Variants in DAB2IP observed in about 807,000 individuals in gnomAD.
The protein encoded by DAB2IP is DAB2 interacting protein, also known as disabled homolog 2-interacting protein.
Under a neutral mutation model 107.2 loss-of-function variants are expected in DAB2IP, and 28 were observed. The observed-to-expected ratio is 0.26, with a 90% CI of 0.19 to 0.36. DAB2IP has a LOEUF of 0.36. Ranked by LOEUF, DAB2IP falls within the 10% of genes least tolerant of loss-of-function variation. The pLI is 1.00. For synonymous variants in DAB2IP, 755 were observed against 706.4 expected (o/e 1.07, Z -1.09); for missense variants, 1,400 against 1,644.7 (o/e 0.85, Z 2.57).
Position 121,699,312 on chromosome 9 carries a change from C to T in DAB2IP, c.229-13C>T, listed in dbSNP as rs779061107. The T allele has an allele frequency of 2.5e-4, 360 of 1,431,774 alleles. No homozygotes were observed. Among genetic ancestry groups the T allele is most frequent in the Non-Finnish European group, 3.0e-4 (325 of 1,077,598 alleles). The allele number at this position is 1,431,774 out of a possible 1,614,324, so 88.7% of individuals were successfully genotyped here. ...CCCGCCTCCCCTTCCCCCTCTTGTC[C>T]CCCCGTGCGCAGGGCTTCCTCAGCC... On this transcript the variant is annotated splice_polypyrimidine_tract_variant and intron_variant, in intron 2 of 15. Coordinates refer to ENST00000408936, the Ensembl canonical transcript of DAB2IP. The surrounding 1 kb of genome is among the most constrained non-coding windows in gnomAD (Gnocchi z 6.2).
chr9:121,651,809 G>C lies in DAB2IP; in HGVS notation c.34G>C (p.Gly12Arg), dbSNP rs553951606. Reference sequence around the variant, plus strand: ...GGGCGGCAGCGCCAGGAAGAGCACCGGGAGGTCCTCCTACTACTACCGGCT... The same window carrying C: ...GGGCGGCAGCGCCAGGAAGAGCACCCGGAGGTCCTCCTACTACTACCGGCT... The change falls in exon 1 of 16, where the codon GGG becomes CGG. Residue 12 changes from glycine to arginine, a missense_variant. Gly to Arg is a moderately radical substitution (Grantham distance 125, BLOSUM62 -2). This residue lies in a region of DAB2IP where 283 missense variants were observed against 237.0 expected (regional missense o/e 1.19). Transcript: ENST00000408936. The surrounding 1 kb of genome is among the most constrained non-coding windows in gnomAD (Gnocchi z 5.1). 578 of 1,460,484 alleles carry C rather than the reference G, an allele frequency of 4.0e-4. No homozygotes were observed. Among genetic ancestry groups the C allele is most frequent in the South Asian group, 4.7e-4 (35 of 75,226 alleles). 90.5% of individuals were successfully genotyped at this position (1,460,484 alleles called of 1,614,324 possible).
chr9:121,614,508 T>C (rs887607396), intron 1 of DAB2IP, among the ~76,000 whole-genome samples: 2 of 150,982 alleles, frequency 1.3e-5, no homozygotes, highest in African/African-American at 4.9e-5. Flanking sequence ...GCCTGGCTAA[T>C]TTTTGTATTT....
chr9:121,654,062 T>G (rs1285416849), intron 1 of DAB2IP, among the ~76,000 whole-genome samples: 1 of 152,192 alleles, frequency 6.6e-6, no homozygotes, highest in Admixed American at 6.5e-5. Flanking sequence ...CAGTTACCTC[T>G]CCAAGCCTCA....
chr9:121,657,483 A>G (rs1306394493), intron 1 of DAB2IP, among the ~76,000 whole-genome samples: 1 of 152,160 alleles, frequency 6.6e-6, no homozygotes, highest in East Asian at 1.9e-4. Flanking sequence ...CTCATGTCTC[A>G]TCTCAGTTCT....
intron 3 of DAB2IP, among the ~76,000 whole-genome samples, chr9:121,740,850 C>T (rs1283142983): frequency 1.3e-5 from 2 of 152,142 alleles, no homozygotes; most frequent in African/African-American, 2.4e-5. Context: ...AGTGTATTAC[C>T]TCATTTTATA....
chr9:121,767,127 C>T (rs969852839), intron 9 of DAB2IP, among the ~76,000 whole-genome samples: 3 of 152,238 alleles, frequency 2.0e-5, no homozygotes, highest in African/African-American at 7.2e-5. Context: ...TGTGCTTGGG[C>T]ACTTGGGTTG....
chr9:121,636,798 A>G (rs1198948796), intron 1 of DAB2IP, among the ~76,000 whole-genome samples: 1 of 152,182 alleles, frequency 6.6e-6, no homozygotes, highest in Non-Finnish European at 1.5e-5. Context: ...CCAAAATGAC[A>G]CGGTGCAGGA....
intron 1 of DAB2IP, among the ~76,000 whole-genome samples, chr9:121,632,257 G>C (rs1469669874): frequency 7.2e-5 from 11 of 152,212 alleles, no homozygotes; most frequent in Admixed American, 7.2e-4. Flanking sequence ...AGTTGCTGTG[G>C]GCGTAAAATG....
At chr9:121,659,246 G>A (rs1319508864) in intron 1 of DAB2IP, among the ~76,000 whole-genome samples, 3 of 152,136 alleles carry the variant, frequency 2.0e-5, no homozygotes, top group Non-Finnish European at 2.9e-5. Context: ...CTTTGGGTTC[G>A]GAGACTGGAA....
Position 121,773,425 on chromosome 9 carries a change from G to A in DAB2IP, c.2897G>A (p.Arg966His), listed in dbSNP as rs114838746. The A allele has an allele frequency of 7.6e-4, 1,183 of 1,557,926 alleles. 10 individuals are homozygous for A. In the African/African-American group the frequency reaches 0.014, roughly 18 times the overall value. Residue 966 changes from arginine (R) to histidine (H), a missense_variant, in exon 12 of 16, where the codon CGC (arginine) becomes CAC (histidine). Arg to His is a conservative substitution (Grantham distance 29). This residue lies in a region of DAB2IP where 600 missense variants were observed against 659.1 expected (regional missense o/e 0.91). Transcript: ENST00000408936. ...CCTGATTGGGTGGGCCCCAGTACCCGCCTGAGGCAGCAGTCCTCTTCCTCC... is the reference window on the plus strand; with the variant it reads ...CCTGATTGGGTGGGCCCCAGTACCCACCTGAGGCAGCAGTCCTCTTCCTCC...
intron 1 of DAB2IP, among the ~76,000 whole-genome samples, chr9:121,656,891 C>T (rs1393252958): frequency 6.6e-6 from 1 of 152,230 alleles, no homozygotes; most frequent in Non-Finnish European, 1.5e-5. Context: ...CTGAGATTCA[C>T]CTTGCGATAT....
intron 2 of DAB2IP, among the ~76,000 whole-genome samples, chr9:121,685,568 G>A (rs938182378): frequency 6.6e-6 from 1 of 152,254 alleles, no homozygotes; most frequent in Non-Finnish European, 1.5e-5. Context: ...GTCTCCAGCT[G>A]GTGGGTGGTA....
chr9:121,757,206 T>A, intron 4 of DAB2IP, 40 bp downstream of exon 4: 1 of 1,600,114 alleles, frequency 6.2e-7, no homozygotes, highest in Non-Finnish European at 8.5e-7. Context: ...CACCCCATCC[T>A]CTCCTGGCCT....
chr9:121,617,853 G>A (rs1303854038), intron 1 of DAB2IP, among the ~76,000 whole-genome samples: 3 of 152,220 alleles, frequency 2.0e-5, no homozygotes, highest in Non-Finnish European at 4.4e-5. Context: ...GTGGAAGAGC[G>A]GGGTGCGTAC....
At position 121,585,847 on chromosome 9, in the gene DAB2IP, T is replaced by TAA. The variant is rs56837404; in HGVS notation, c.40+18629_40+18630dup. Among the ~76,000 whole-genome samples, 38 of 149,034 alleles carry TAA rather than the reference T, an allele frequency of 2.5e-4. 1 individual carries two copies. Among genetic ancestry groups the TAA allele is most frequent in the South Asian group, 1.3e-3 (6 of 4,690 alleles). On this transcript the variant is annotated intron_variant, in intron 1 of 16. Transcript: ENST00000259371. ...CCAGCCTGGGTGAGGGTTAGGGATT[T>TAA]AAAAAAAAAAATAGAATGGGTTAAT...
At chr9:121,751,839 C>A in intron 3 of DAB2IP, 1 of 786,640 alleles carries the variant, frequency 1.3e-6, no homozygotes, top group Non-Finnish European at 1.5e-6. Flanking sequence ...TCTGCCCTCC[C>A]ATGCCCTGGC....
intron 2 of DAB2IP, among the ~76,000 whole-genome samples, chr9:121,692,065 C>G (rs572234176): frequency 1.9e-4 from 29 of 152,282 alleles, no homozygotes; most frequent in African/African-American, 6.7e-4. Context: ...TGCCTTGGTC[C>G]TGAGATCTGG....
chr9:121,776,351 CAGG>C lies in DAB2IP; in HGVS notation c.3279_3281del (p.Glu1093del), dbSNP rs1464588435. ...GGGCGAGGAGCGGCTGCGGCGGCAG[CAGG>C]AGGACAAGGACATCCAGATGAAGGG... is the stretch of plus-strand genomic sequence containing the variant. On this transcript the variant is annotated inframe_deletion, in exon 14 of 16. Coordinates refer to ENST00000408936, the Ensembl canonical transcript of DAB2IP. This position sits in a 1 kb window ranked among gnomAD's most constrained non-coding sequence, Gnocchi z 5.4. The C allele has an allele frequency of 2.1e-5, 32 of 1,552,032 alleles. No homozygotes were observed. The highest frequency in any genetic ancestry group is 2.6e-5 in the Non-Finnish European group (30 of 1,147,742).
intron 1 of DAB2IP, among the ~76,000 whole-genome samples, chr9:121,615,216 G>A (rs556024528): frequency 4.6e-5 from 7 of 152,142 alleles, no homozygotes; most frequent in Admixed American, 2.0e-4. Flanking sequence ...GTTAAGAAAA[G>A]GCTGCTGAAT....
Sources: allele counts gnomAD v4.1 joint callset (sites outside exome capture counted in the v4.1 genomes callset), GRCh38; gene constraint gnomAD v4.1.1; regional missense constraint gnomAD v4.1.1; non-coding constraint Gnocchi (gnomAD v3.1); transcripts MANE v1.5; gene names NCBI Gene and HGNC (gene_info 2026-07-23, HGNC 2026-07-21).